The following AKAP6 variants were observed in gnomAD, a reference collection of about 807,000 sequenced individuals.
The protein encoded by AKAP6 is A-kinase anchoring protein 6.
Under a neutral mutation model 188.5 loss-of-function variants are expected in AKAP6, and 58 were observed. That is an observed-to-expected ratio of 0.31 (90% CI 0.25 to 0.38). The LOEUF (loss-of-function observed/expected upper bound fraction) is 0.38. Among genes scored for constraint, AKAP6 ranks in the 10% least tolerant of loss-of-function variants. The pLI is 1.00. For synonymous variants in AKAP6, 989 were observed against 998.6 expected (o/e 0.99, Z 0.18); for missense variants, 2,710 against 2,740.0 (o/e 0.99, Z 0.24).
chr14:32,458,632 A>G (rs1891221429), intron 2 of AKAP6, among the ~76,000 whole-genome samples: 1 of 152,144 alleles, frequency 6.6e-6, no homozygotes, highest in South Asian at 2.1e-4. Flanking sequence ...ACATCTTTGC[A>G]GACAATAAAA....
At chr14:32,361,540 G>A (rs10151990) in intron 1 of AKAP6, among the ~76,000 whole-genome samples, 55,575 of 151,572 alleles carry the variant, frequency 0.37, 11,210 homozygotes, top group African/African-American at 0.55. Flanking sequence ...AGGCCATCTA[G>A]TTTTTTGTTT....
At chr14:32,562,743 G>A (rs6571536) in intron 4 of AKAP6, among the ~76,000 whole-genome samples, 42,189 of 152,062 alleles carry the variant, frequency 0.28, 5,897 homozygotes, top group East Asian at 0.36. Flanking sequence ...AGGTGACAGA[G>A]CGAGACTCCA....
chr14:32,715,089 G>C (rs1158635179), intron 9 of AKAP6, among the ~76,000 whole-genome samples: 4 of 151,866 alleles, frequency 2.6e-5, no homozygotes, highest in Non-Finnish European at 4.4e-5. Flanking sequence ...AGGAAAAAAT[G>C]ATTACAAATT....
chr14:32,576,512 AT>A (rs1884725549), intron 4 of AKAP6, among the ~76,000 whole-genome samples: 1 of 152,134 alleles, frequency 6.6e-6, no homozygotes, highest in Non-Finnish European at 1.5e-5. Flanking sequence ...GAAGTCAAGT[AT>A]TTATGTTTGT....
intron 2 of AKAP6, among the ~76,000 whole-genome samples, chr14:32,506,191 AAAAG>A (rs1156625965): frequency 6.6e-6 from 1 of 152,152 alleles, no homozygotes; most frequent in Non-Finnish European, 1.5e-5. Context: ...ATACACATAA[AAAAG>A]TTAATAAACT....
At position 32,546,439 on chromosome 14, in the gene AKAP6, C is replaced by T. The variant is rs1398351367; in HGVS notation, c.1786C>T (p.Pro596Ser). The change falls in exon 4 of 14, where the codon CCA becomes TCA. Residue 596 changes from proline to serine, a missense_variant. Coordinates refer to ENST00000280979, the MANE Select transcript of AKAP6 (RefSeq NM_004274.5). ...VGSDNIMSPVPLLSKHKSKKG... is the reference protein window; with the variant it reads ...VGSDNIMSPVSLLSKHKSKKG... ...CTCAGACAACATCATGTCTCCGGTG[C>T]CACTTCTTTCAAAACACAAAAGCAA... 1 of 1,614,030 alleles carries T rather than the reference C, an allele frequency of 6.2e-7. No homozygotes were observed. Among genetic ancestry groups the T allele is most frequent in the African/African-American group, 1.3e-5 (1 of 74,894 alleles).
intron 4 of AKAP6, among the ~76,000 whole-genome samples, chr14:32,569,074 A>G (rs1884340094): frequency 6.6e-6 from 1 of 152,144 alleles, no homozygotes; most frequent in Admixed American, 6.5e-5. Flanking sequence ...AACCACTATA[A>G]ATAGTATTTG....
At chr14:32,789,346 A>G (rs1335409049) in intron 12 of AKAP6, among the ~76,000 whole-genome samples, 1 of 152,174 alleles carries the variant, frequency 6.6e-6, no homozygotes, top group Middle Eastern at 3.2e-3. Context: ...GTCTCTCCCA[A>G]CGCAACACAC....
At chr14:32,631,119 ATT>A (rs1322702437) in intron 7 of AKAP6, among the ~76,000 whole-genome samples, 1 of 151,946 alleles carries the variant, frequency 6.6e-6, no homozygotes, top group Non-Finnish European at 1.5e-5. Context: ...CACAAATAAC[ATT>A]TTGTTTTGTT....
At chr14:32,611,458 C>CA (rs1886349761) in intron 7 of AKAP6, among the ~76,000 whole-genome samples, 1 of 152,162 alleles carries the variant, frequency 6.6e-6, no homozygotes, top group African/African-American at 2.4e-5. Flanking sequence ...GTTGAAAATG[C>CA]AAGCCTGAAG....
At chr14:32,680,406 C>A (rs980038668) in intron 8 of AKAP6, among the ~76,000 whole-genome samples, 1 of 152,130 alleles carries the variant, frequency 6.6e-6, no homozygotes, top group East Asian at 1.9e-4. Context: ...AATTCTAAAG[C>A]CTTAAGAAAG....
At chr14:32,753,268 T>C (rs1168393681) in intron 11 of AKAP6, among the ~76,000 whole-genome samples, 1 of 152,200 alleles carries the variant, frequency 6.6e-6, no homozygotes, top group East Asian at 1.9e-4. Flanking sequence ...TATCTCCTTA[T>C]TGCTTTAATT....
At chr14:32,404,711 T>TATATA (rs1555325855) in intron 1 of AKAP6, among the ~76,000 whole-genome samples, 5 of 128,510 alleles carry the variant, frequency 3.9e-5, no homozygotes, top group African/African-American at 8.3e-5. Context: ...TATATATATA[T>TATATA]TAGTCAGAAT....
At chr14:32,425,964 GT>G (rs1325263218) in intron 1 of AKAP6, among the ~76,000 whole-genome samples, 1 of 152,094 alleles carries the variant, frequency 6.6e-6, no homozygotes, top group Non-Finnish European at 1.5e-5. Context: ...TGTCTCCAGG[GT>G]TTTTATAGTT....
chr14:32,593,011 A>ACACACAC (rs1555343002), intron 5 of AKAP6, among the ~76,000 whole-genome samples: 10 of 123,792 alleles, frequency 8.1e-5, no homozygotes, highest in South Asian at 2.9e-4. Flanking sequence ...CCCCCACCCC[A>ACACACAC]ACACACACAC....
chr14:32,386,361 T>A (rs1888537641), intron 1 of AKAP6, among the ~76,000 whole-genome samples: 1 of 152,174 alleles, frequency 6.6e-6, no homozygotes, highest in South Asian at 2.1e-4. Flanking sequence ...TCATTAGTGA[T>A]GTTGAGCACT....
intron 2 of AKAP6, among the ~76,000 whole-genome samples, chr14:32,534,158 T>C (rs1187107923): frequency 6.6e-6 from 1 of 152,196 alleles, no homozygotes; most frequent in Admixed American, 6.5e-5. Flanking sequence ...TTTAAAAAAG[T>C]AACTGAATTA....
intron 11 of AKAP6, among the ~76,000 whole-genome samples, chr14:32,742,280 G>A (rs10142553): frequency 0.79 from 119,459 of 151,738 alleles, 47,214 homozygotes; most frequent in East Asian, 0.91. Context: ...TAGTCTGCCT[G>A]AAGGTTTTTC....
chr14:32,475,071 A>C (rs933295612), intron 2 of AKAP6, among the ~76,000 whole-genome samples: 2 of 152,212 alleles, frequency 1.3e-5, no homozygotes, highest in Admixed American at 6.5e-5. Context: ...AGGAATGTAC[A>C]TCTCAGTGTA....
Sources: allele counts gnomAD v4.1 joint callset (sites outside exome capture counted in the v4.1 genomes callset), GRCh38; gene constraint gnomAD v4.1.1; transcripts MANE v1.5; gene names NCBI Gene and HGNC (gene_info 2026-07-23, HGNC 2026-07-21).